LGR6: variants seen among roughly 807,000 people sequenced by gnomAD.
LGR6 encodes leucine rich repeat containing G protein-coupled receptor 6.
In LGR6, 45 loss-of-function variants were observed where a neutral mutation model predicts 69.4. The observed-to-expected ratio is 0.65, with a 90% CI of 0.51 to 0.83. LGR6 has a LOEUF of 0.83. Ranked by LOEUF, LGR6 falls within the 40% of genes least tolerant of loss-of-function variation. The probability of loss-of-function intolerance (pLI) is 0.00; values close to 1 mark genes in which losing one functional copy is unlikely to be tolerated. For missense variants in LGR6, 1,108 were observed against 1,246.7 expected (o/e 0.89, Z 1.68); for synonymous variants, 538 against 555.0 (o/e 0.97, Z 0.43).
chr1:202,213,010 T>C (rs1402454592), intron 1 of LGR6, among the ~76,000 whole-genome samples: 1 of 152,188 alleles, frequency 6.6e-6, no homozygotes, highest in East Asian at 1.9e-4. Flanking sequence ...TAAGGCTCTG[T>C]CCAGCAGTAT....
intron 1 of LGR6, among the ~76,000 whole-genome samples, chr1:202,206,657 C>T (rs1659243284): frequency 6.6e-6 from 1 of 152,018 alleles, no homozygotes. Context: ...TCAAGTGATC[C>T]TCCCACTTCA....
intron 3 of LGR6, among the ~76,000 whole-genome samples, chr1:202,228,729 G>A (rs774387727): frequency 2.0e-5 from 3 of 152,202 alleles, no homozygotes; most frequent in African/African-American, 7.2e-5. Flanking sequence ...GAGGGCAAGA[G>A]GAATTGGGAG....
intron 4 of LGR6, among the ~76,000 whole-genome samples, chr1:202,239,156 G>C (rs536764800): frequency 7.2e-4 from 110 of 152,268 alleles, no homozygotes; most frequent in African/African-American, 2.5e-3. Flanking sequence ...CTTCCGGCCG[G>C]CTCTTTTCCT....
In LGR6 at chr1:202,254,899, CA is replaced by C. The variant is rs71890535; in HGVS notation, c.428+18922del. On this transcript the variant is annotated intron_variant, in intron 4 of 17. Transcript: ENST00000367278. ...AACAATAGTTGAGACTCTGTCTCTA[CA>C]AAAAAAAAAAAAAAAGGAAAGAGAA... Among the ~76,000 whole-genome samples the C allele has an allele frequency of 5.1e-3, 631 of 124,352 alleles. 1 individual carries two copies. The highest frequency in any genetic ancestry group is 0.015 in the East Asian group (75 of 4,848). 81.6% of individuals were successfully genotyped at this position (124,352 alleles called of 152,430 possible). A position where few individuals can be genotyped will look rare whatever the true frequency, so the allele number is the denominator to read the frequency against.
intron 1 of LGR6, among the ~76,000 whole-genome samples, chr1:202,204,623 TCAAACACACACACCTC>T (rs1659012173): frequency 2.7e-3 from 6 of 2,220 alleles, no homozygotes; most frequent in African/African-American, 9.2e-3. Flanking sequence ...CACACCTCCT[TCAAACACACACACCTC>T]CAAACACACA....
chr1:202,258,001 C>T (rs1663916855), intron 4 of LGR6, among the ~76,000 whole-genome samples: 1 of 151,952 alleles, frequency 6.6e-6, no homozygotes. Context: ...AATGTTTTGT[C>T]ATTTTGAGAG....
chr1:202,202,592 A>C (rs1468111191), intron 1 of LGR6, among the ~76,000 whole-genome samples: 1 of 152,250 alleles, frequency 6.6e-6, no homozygotes, highest in African/African-American at 2.4e-5. Context: ...CAAAATGGGC[A>C]TACGGAAAGA....
intron 5 of LGR6, among the ~76,000 whole-genome samples, chr1:202,279,331 C>G (rs945718534): frequency 3.3e-5 from 5 of 152,140 alleles, no homozygotes. Context: ...ATGGGGAAGA[C>G]AGACAGAAGC....
chr1:202,247,150 A>T (rs540596664), intron 4 of LGR6, among the ~76,000 whole-genome samples: 2 of 152,336 alleles, frequency 1.3e-5, no homozygotes, highest in South Asian at 4.1e-4. Flanking sequence ...CTGGATTTTT[A>T]AAAAATCTTC....
chr1:202,206,613 G>A (rs560271408), intron 1 of LGR6, among the ~76,000 whole-genome samples: 1 of 150,284 alleles, frequency 6.7e-6, no homozygotes, highest in Non-Finnish European at 1.5e-5. Context: ...GCAATGGTAC[G>A]ATCTCCGCTC....
chr1:202,198,654 C>G (rs189831310), intron 1 of LGR6, among the ~76,000 whole-genome samples: 77 of 146,244 alleles, frequency 5.3e-4, no homozygotes, highest in Non-Finnish European at 8.2e-4. Flanking sequence ...TACTGGGAAC[C>G]AGAGTAATTT....
At chr1:202,292,614 AG>A (rs1164637431) in intron 6 of LGR6, among the ~76,000 whole-genome samples, 1 of 152,184 alleles carries the variant, frequency 6.6e-6, no homozygotes, top group Non-Finnish European at 1.5e-5. Flanking sequence ...GACTAGATAC[AG>A]TATGCACCAC....
At chr1:202,297,447 A>G in intron 6 of LGR6, 61 bp from the exon 7 acceptor site, 1 of 1,388,366 alleles carries the variant, frequency 7.2e-7, no homozygotes, top group Admixed American at 2.0e-5. Context: ...TCCATTTCTC[A>G]GGGACCCTGA....
chr1:202,199,824 A>G (rs1658776816), intron 1 of LGR6, among the ~76,000 whole-genome samples: 1 of 152,214 alleles, frequency 6.6e-6, no homozygotes, highest in Non-Finnish European at 1.5e-5. Flanking sequence ...TGGAAACACT[A>G]ATAGTATCTA....
In LGR6 at chr1:202,309,354, C is replaced by T. The variant is rs551985155; in HGVS notation, c.1406+178C>T. 2.6e-5 allele frequency among the ~76,000 whole-genome samples: 4 copies of T among 152,340 alleles called. No homozygotes were observed. The South Asian group carries it at 8.3e-4, about 32-fold the overall frequency. ...CAAGAGGGGCCTGGTTCATGCCTCC[C>T]CTTCCTCCTTATCTCCTTGGTGGCA... On this transcript the variant is annotated intron_variant, in intron 15 of 17. Coordinates refer to ENST00000367278, the MANE Select transcript of LGR6 (RefSeq NM_001017403.2).
At chr1:202,234,035 G>T (rs1661312063) in intron 3 of LGR6, among the ~76,000 whole-genome samples, 1 of 152,236 alleles carries the variant, frequency 6.6e-6, no homozygotes, top group Non-Finnish European at 1.5e-5. Context: ...TTCCAACCCT[G>T]AAGCAAAACT....
intron 1 of LGR6, among the ~76,000 whole-genome samples, chr1:202,206,533 G>C (rs1380399723): frequency 1.3e-5 from 2 of 151,946 alleles, no homozygotes; most frequent in Admixed American, 1.3e-4. Context: ...TATTTTTTTC[G>C]GTTGTGTGTG....
chr1:202,208,851 C>A (rs1659356863), intron 1 of LGR6, among the ~76,000 whole-genome samples: 2 of 152,132 alleles, frequency 1.3e-5, no homozygotes, highest in South Asian at 4.1e-4. Context: ...AATACCTGGG[C>A]TAACCCCTGG....
chr1:202,305,638 G>C (rs2148280129), intron 11 of LGR6, 46 bp from the exon 12 acceptor site: 2 of 1,563,038 alleles, frequency 1.3e-6, no homozygotes, highest in Non-Finnish European at 1.8e-6. Context: ...GCAGCCCTCA[G>C]ATAGCCACCA....
Sources: gnomAD v4.1 joint callset for allele counts (sites outside exome capture counted in the v4.1 genomes callset) on GRCh38, gnomAD v4.1.1 for gene constraint, MANE v1.5 for transcripts, NCBI Gene and HGNC (gene_info 2026-07-23, HGNC 2026-07-21) for gene names.